Variants in MMS22L observed in about 807,000 individuals in gnomAD.
MMS22L encodes the protein protein MMS22-like.
In MMS22L, 74 loss-of-function variants were observed where a neutral mutation model predicts 159.1. The observed-to-expected ratio is 0.47, with a 90% CI of 0.39 to 0.56. The LOEUF is 0.56. Ranked by LOEUF, MMS22L falls within the 20% of genes least tolerant of loss-of-function variation. The pLI, the probability that MMS22L is intolerant of heterozygous loss-of-function variation, is 0.00. For missense variants in MMS22L, 1,351 were observed against 1,422.1 expected, an observed-to-expected ratio of 0.95 and a Z score of 0.80; for synonymous variants, 517 against 506.9, an observed-to-expected ratio of 1.02 and a Z score of -0.27.
At position 97,229,058 on chromosome 6, in the gene MMS22L, G is replaced by C; in HGVS notation, c.1875C>G (p.Ser625=). 6.2e-7 allele frequency: 1 copy of C among 1,614,046 alleles called. No individual in the cohort carries two copies. The highest frequency in any genetic ancestry group is 1.1e-5 in the South Asian group (1 of 91,062). Residue 625 remains serine (S), a synonymous_variant, in exon 14 of 25, where the codon TCC becomes TCG. Coordinates refer to ENST00000683635, the MANE Select transcript of MMS22L (RefSeq NM_001350599.2). The part of the protein sequence containing the change: ...VQRQTIWTLL[S]IYIDGVQEVF... The stretch of plus-strand genomic sequence containing the variant: ...CTTCTTGAACACCATCAATGTATAT[G>C]GAAAGAAGGGTCCAGATAGTCTGTC...
intron 14 of MMS22L, among the ~76,000 whole-genome samples, chr6:97,196,898 C>A (rs1222049183): frequency 6.6e-6 from 1 of 151,986 alleles, no homozygotes; most frequent in Non-Finnish European, 1.5e-5. Flanking sequence ...ATATCTATAT[C>A]TATACATTTT....
rs1175864117 is a variant in MMS22L at position 97,145,386 on chromosome 6, C to T, written c.*1420G>A. The T allele has an allele frequency of 1.3e-5, 2 of 152,112 alleles. No individual in the cohort carries two copies. The highest frequency in any genetic ancestry group is 2.9e-5 in the Non-Finnish European group (2 of 67,986). 9.4% of individuals were successfully genotyped at this position (152,112 alleles called of 1,614,324 possible). ...GCAAAGTATTTCATTTTTAAAGATA[C>T]TCCTTGAGCCAGAGAAGGGTTGAAA... is the stretch of plus-strand genomic sequence containing the variant. On this transcript the variant is annotated 3_prime_UTR_variant, in exon 25 of 25. Transcript: ENST00000683635.
chr6:97,250,829 T>C (rs140846057), intron 10 of MMS22L, among the ~76,000 whole-genome samples: 92 of 152,188 alleles, frequency 6.0e-4, no homozygotes, highest in Non-Finnish European at 1.2e-3. Context: ...TTATAGATAT[T>C]TCTCTGGTGA....
intron 13 of MMS22L, chr6:97,231,163 A>G (rs1337267306): frequency 1.6e-5 from 6 of 380,168 alleles, no homozygotes; most frequent in Non-Finnish European, 4.9e-6. Flanking sequence ...TCATTTAAAA[A>G]ACAAAACAAA....
At chr6:97,156,917 A>T (rs1801914073) in intron 22 of MMS22L, among the ~76,000 whole-genome samples, 1 of 151,934 alleles carries the variant, frequency 6.6e-6, no homozygotes, top group Admixed American at 6.6e-5. Flanking sequence ...GAGTATGGCC[A>T]TTTTCACGAT....
intron 21 of MMS22L, among the ~76,000 whole-genome samples, chr6:97,164,414 G>A (rs1167937458): frequency 6.6e-6 from 1 of 151,448 alleles, no homozygotes; most frequent in Non-Finnish European, 1.5e-5. Flanking sequence ...AATAATACAT[G>A]AAGGCAATGA....
At chr6:97,191,794 C>G (rs1582545297) in intron 14 of MMS22L, among the ~76,000 whole-genome samples, 2 of 152,260 alleles carry the variant, frequency 1.3e-5, no homozygotes, top group East Asian at 1.9e-4. Flanking sequence ...ATCTGTGAAA[C>G]AGGGCTTACT....
At chr6:97,214,452 G>A (rs1808750192) in intron 14 of MMS22L, among the ~76,000 whole-genome samples, 2 of 152,056 alleles carry the variant, frequency 1.3e-5, no homozygotes, top group South Asian at 4.1e-4. Context: ...CTTATTTTTG[G>A]TTTTAAAAAA....
intron 14 of MMS22L, among the ~76,000 whole-genome samples, chr6:97,193,002 A>G (rs17455821): frequency 0.027 from 4,093 of 152,258 alleles, 89 homozygotes; most frequent in Middle Eastern, 0.075. Context: ...GCTGCCTCAA[A>G]TACCATTTTA....
chr6:97,245,461 A>G (rs1385884946), intron 11 of MMS22L, among the ~76,000 whole-genome samples: 1 of 152,144 alleles, frequency 6.6e-6, no homozygotes, highest in Non-Finnish European at 1.5e-5. Context: ...GGCCACTGTA[A>G]TATGCATCTT....
chr6:97,266,164 G>C (rs560344546), intron 8 of MMS22L: 15 of 152,234 alleles, frequency 9.9e-5, no homozygotes, highest in African/African-American at 3.6e-4. Flanking sequence ...AAAGACAAAA[G>C]ATAATAAGCG....
At chr6:97,163,270 GA>G (rs1802630935) in intron 21 of MMS22L, among the ~76,000 whole-genome samples, 1 of 151,744 alleles carries the variant, frequency 6.6e-6, no homozygotes. Flanking sequence ...AGTTAAATGA[GA>G]AAAAGAAAAA....
At position 97,168,182 on chromosome 6, in the gene MMS22L, T is replaced by C. The variant is rs1311364470; in HGVS notation, c.2898A>G (p.Leu966=). ...GCAGTAAACAATCTATGATCCGGAA[T>C]AGTAATTTTTGGGCTTTAGAAGTGG... The part of the protein sequence containing the change: ...IFATSKAQKL[L]FRIIDCLLLP... Residue 966 remains leucine, a synonymous_variant, in exon 20 of 25, where the codon CTA becomes CTG. Coordinates refer to ENST00000683635, the MANE Select transcript of MMS22L (RefSeq NM_001350599.2). 1.9e-6 allele frequency: 3 copies of C among 1,613,206 alleles called. No homozygotes were observed. Among genetic ancestry groups the C allele is most frequent in the Non-Finnish European group, 8.5e-7 (1 of 1,179,412 alleles).
chr6:97,274,070 T>C (rs1208030906), intron 4 of MMS22L, among the ~76,000 whole-genome samples: 1 of 152,204 alleles, frequency 6.6e-6, no homozygotes, highest in Admixed American at 6.5e-5. Context: ...AGCATTTATA[T>C]CAGCAATAAT....
Position 97,195,029 on chromosome 6 carries a change from TA to T in MMS22L, c.2040-8340del, listed in dbSNP as rs547413868. 1.4e-3 allele frequency among the ~76,000 whole-genome samples: 207 copies of T among 152,252 alleles called. 1 individual carries two copies. The highest frequency in any genetic ancestry group is 1.8e-3 in the Non-Finnish European group (124 of 68,014). ...CTGAACTTGTGGTGAGCTTTATGTA[TA>T]AAAAAGAAATCACAGTATGGGGATG... On this transcript the variant is annotated intron_variant, in intron 14 of 24. Coordinates refer to ENST00000683635, the MANE Select transcript of MMS22L (RefSeq NM_001350599.2).
At chr6:97,200,282 C>T (rs928576050) in intron 14 of MMS22L, among the ~76,000 whole-genome samples, 1 of 151,726 alleles carries the variant, frequency 6.6e-6, no homozygotes, top group Non-Finnish European at 1.5e-5. Flanking sequence ...AGTTTCATAC[C>T]ACATACATTC....
chr6:97,145,978 G>T lies in MMS22L; in HGVS notation c.*828C>A, dbSNP rs146834592. The T allele has an allele frequency of 1.6e-4, 25 of 152,102 alleles. No individual in the cohort carries two copies. The highest frequency in any genetic ancestry group is 5.2e-4 in the Admixed American group (8 of 15,270). The allele number at this position is 152,102 out of a possible 1,614,324, so 9.4% of individuals were successfully genotyped here. A position where few individuals can be genotyped will look rare whatever the true frequency, so the allele number is the denominator to read the frequency against. On this transcript the variant is annotated 3_prime_UTR_variant, in exon 25 of 25. Coordinates refer to ENST00000683635, the MANE Select transcript of MMS22L (RefSeq NM_001350599.2). ...AAAATGCTAAGTTATAAGAAGCTCT[G>T]GCTAAAGAGCAAGAAGATGGATCAG... is the stretch of plus-strand genomic sequence containing the variant.
chr6:97,248,117 C>A (rs763660848), intron 10 of MMS22L, among the ~76,000 whole-genome samples: 2 of 152,184 alleles, frequency 1.3e-5, no homozygotes, highest in Non-Finnish European at 2.9e-5. Context: ...ATGTCACCTC[C>A]AAGAATAGGT....
chr6:97,273,716 A>G (rs1336271518), intron 4 of MMS22L, among the ~76,000 whole-genome samples: 1 of 152,104 alleles, frequency 6.6e-6, no homozygotes, highest in Non-Finnish European at 1.5e-5. Flanking sequence ...TGATTCTTGC[A>G]TTTCCTTTAA....
Sources: gnomAD v4.1 joint callset for allele counts (sites outside exome capture counted in the v4.1 genomes callset) on GRCh38, gnomAD v4.1.1 for gene constraint, MANE v1.5 for transcripts, NCBI Gene and HGNC (gene_info 2026-07-23, HGNC 2026-07-21) for gene names.